The following HESX1 variants were observed in gnomAD, a reference collection of about 807,000 sequenced individuals.
The protein encoded by HESX1 is homeobox expressed in ES cells 1.
HESX1 carries 11 observed loss-of-function variants against 22.5 expected under a neutral mutation model. The observed-to-expected ratio is 0.49, with a 90% CI of 0.31 to 0.81. The LOEUF is 0.81. Among genes scored for constraint, HESX1 ranks in the 30% least tolerant of loss-of-function variants. The pLI is 0.05. For synonymous variants in HESX1, 74 were observed against 76.5 expected, an observed-to-expected ratio of 0.97 and a Z score of 0.17; for missense variants, 201 against 212.6, an observed-to-expected ratio of 0.95 and a Z score of 0.34.
chr3:57,209,974 C>A (rs2060543950), intron 1 of HESX1, among the ~76,000 whole-genome samples: 1 of 152,134 alleles, frequency 6.6e-6, no homozygotes, highest in Non-Finnish European at 1.5e-5. Context: ...AAGTCACTAA[C>A]TAGGAAGTGG....
In HESX1 at chr3:57,198,502, A is replaced by C; in HGVS notation, c.358-10T>G. 1 of 1,478,642 alleles carries C rather than the reference A, an allele frequency of 6.8e-7. No individual in the cohort carries two copies. Among genetic ancestry groups the C allele is most frequent in the Non-Finnish European group, 9.4e-7 (1 of 1,062,202 alleles). The allele number at this position is 1,478,642 out of a possible 1,614,324, so 91.6% of individuals were successfully genotyped here. On this transcript the variant is annotated splice_polypyrimidine_tract_variant and intron_variant, in intron 2 of 3. Coordinates refer to ENST00000295934, the MANE Select transcript of HESX1 (RefSeq NM_003865.3). ...TTTCTAACACTTCAATCTAAGAAAA[A>C]AAAATGTTGATATTCAGTATGTCTC...
chr3:57,203,488 C>T (rs62251987), upstream of HESX1, among the ~76,000 whole-genome samples: 3 of 152,128 alleles, frequency 2.0e-5, no homozygotes, highest in African/African-American at 7.2e-5. Flanking sequence ...TACCTCCTAC[C>T]TCCTGATTTT....
intron 1 of HESX1, among the ~76,000 whole-genome samples, chr3:57,206,957 T>C (rs1222604714): frequency 6.6e-6 from 1 of 152,050 alleles, no homozygotes; most frequent in Non-Finnish European, 1.5e-5. Context: ...AGTAGCAGTA[T>C]AATTTTTTTT....
intron 1 of HESX1, among the ~76,000 whole-genome samples, chr3:57,217,382 A>G (rs1011807092): frequency 6.6e-6 from 1 of 152,110 alleles, no homozygotes; most frequent in African/African-American, 2.4e-5. Context: ...CTCCCTTTCC[A>G]TATTTGTAAT....
At chr3:57,208,614 T>G (rs2060533634) in intron 1 of HESX1, among the ~76,000 whole-genome samples, 1 of 145,642 alleles carries the variant, frequency 6.9e-6, no homozygotes, top group East Asian at 2.3e-4. Context: ...CCTCCCAAAG[T>G]GCTGAGATTA....
intron 2 of HESX1, 93 bp downstream of exon 2, chr3:57,198,660 C>T: frequency 1.6e-6 from 2 of 1,229,422 alleles, no homozygotes; most frequent in Non-Finnish European, 2.4e-6. Context: ...AATAAGGCTT[C>T]TAAACTGAGA....
chr3:57,209,256 G>A (rs1307740922), intron 1 of HESX1, among the ~76,000 whole-genome samples: 6 of 152,108 alleles, frequency 3.9e-5, no homozygotes, highest in Non-Finnish European at 7.4e-5. Context: ...CATGGCTAGC[G>A]GCTCCAAACA....
At chr3:57,218,723 G>T (rs1392333797) in intron 1 of HESX1, among the ~76,000 whole-genome samples, 2 of 152,236 alleles carry the variant, frequency 1.3e-5, no homozygotes, top group Non-Finnish European at 2.9e-5. Context: ...GATTACAAAC[G>T]TGAGCCACCA....
chr3:57,208,706 A>G (rs2060534078), intron 1 of HESX1, among the ~76,000 whole-genome samples: 1 of 147,476 alleles, frequency 6.8e-6, no homozygotes, highest in African/African-American at 2.5e-5. Flanking sequence ...CACGCCTGTA[A>G]TCTCAGCACT....
intron 1 of HESX1, among the ~76,000 whole-genome samples, chr3:57,224,044 G>A (rs1166539200): frequency 6.6e-6 from 1 of 152,154 alleles, no homozygotes; most frequent in African/African-American, 2.4e-5. Flanking sequence ...CCAGGTTGGA[G>A]TGCAGTGGTG....
At chr3:57,213,197 A>G (rs1449163689) in intron 1 of HESX1, among the ~76,000 whole-genome samples, 1 of 152,150 alleles carries the variant, frequency 6.6e-6, no homozygotes, top group Non-Finnish European at 1.5e-5. Flanking sequence ...ATTTTTTACT[A>G]TACCATTTTG....
intron 1 of HESX1, among the ~76,000 whole-genome samples, chr3:57,209,835 AAC>A (rs2060542583): frequency 6.6e-6 from 1 of 152,210 alleles, no homozygotes; most frequent in Non-Finnish European, 1.5e-5. Flanking sequence ...AATGAATACA[AAC>A]ACAAAATATC....
chr3:57,202,840 A>G (rs1453687938), upstream of HESX1, among the ~76,000 whole-genome samples: 6 of 152,214 alleles, frequency 3.9e-5, no homozygotes, highest in Non-Finnish European at 7.3e-5. Flanking sequence ...GGGCCTAAGG[A>G]AGTGACATTT....
rs2060458429 is a variant in HESX1 at position 57,198,111 on chromosome 3, A to G, written c.*86T>C. The G allele has an allele frequency of 2.3e-6, 2 of 870,676 alleles. No homozygotes were observed. Among genetic ancestry groups the G allele is most frequent in the African/African-American group, 3.3e-5 (2 of 60,044 alleles). The allele number at this position is 870,676 out of a possible 1,614,324, so 53.9% of individuals were successfully genotyped here. ...AATATTCAGATTAAATGCAGGAAAG[A>G]AAACATCACATTTTAACACTTAATA... On this transcript the variant is annotated 3_prime_UTR_variant, in exon 4 of 4. Transcript: ENST00000295934.
At chr3:57,225,728 A>T (rs1316259317) in intron 1 of HESX1, among the ~76,000 whole-genome samples, 1 of 152,196 alleles carries the variant, frequency 6.6e-6, no homozygotes, top group Non-Finnish European at 1.5e-5. Flanking sequence ...TCCTTTACAG[A>T]AACACAGTTT....
chr3:57,226,609 T>C (rs1000182501), upstream of HESX1: 1 of 152,234 alleles, frequency 6.6e-6, no homozygotes, highest in Admixed American at 6.5e-5. Flanking sequence ...TGGGAAAATC[T>C]ACTATTTTCG....
intron 1 of HESX1, among the ~76,000 whole-genome samples, chr3:57,215,808 T>A (rs28536501): frequency 6.6e-6 from 1 of 151,872 alleles, no homozygotes; most frequent in African/African-American, 2.4e-5. Flanking sequence ...CACAGAAAAA[T>A]GTTAACACAA....
intron 1 of HESX1, among the ~76,000 whole-genome samples, chr3:57,224,456 T>G (rs2060631951): frequency 6.6e-6 from 1 of 152,150 alleles, no homozygotes; most frequent in South Asian, 2.1e-4. Context: ...AAAAATTTTT[T>G]TTAAATACAA....
intron 1 of HESX1, among the ~76,000 whole-genome samples, chr3:57,208,694 C>T (rs918923627): frequency 6.7e-6 from 1 of 149,880 alleles, no homozygotes; most frequent in Non-Finnish European, 1.5e-5. Flanking sequence ...GGCACGGTGG[C>T]TCACGCCTGT....
Sources: allele counts gnomAD v4.1 joint callset (sites outside exome capture counted in the v4.1 genomes callset), GRCh38; gene constraint gnomAD v4.1.1; transcripts MANE v1.5; gene names NCBI Gene and HGNC (gene_info 2026-07-23, HGNC 2026-07-21).